Variants in CSMD1 observed in about 807,000 individuals in gnomAD.
CSMD1 encodes the protein CUB and Sushi multiple domains 1, also known as CUB and sushi domain-containing protein 1.
Under a neutral mutation model 417.5 loss-of-function variants are expected in CSMD1, and 213 were observed. The ratio of observed to expected loss-of-function variants is 0.51; its 90% CI spans 0.46 to 0.57. The LOEUF (loss-of-function observed/expected upper bound fraction) is 0.57, where lower values mean the gene tolerates loss of function less well. Ranked by LOEUF, CSMD1 falls within the 20% of genes least tolerant of loss-of-function variation. CSMD1 has a pLI of 0.00. For synonymous variants in CSMD1, 2,862 were observed against 1,736.8 expected (o/e 1.65, Z -16.11); for missense variants, 6,923 against 4,529.7 (o/e 1.53, Z -15.17).
Position 4,754,035 on chromosome 8 carries a change from A to C in CSMD1, c.86-116477T>G, listed in dbSNP as rs535435832. Among the ~76,000 whole-genome samples the C allele has an allele frequency of 2.0e-5, 3 of 152,340 alleles. No individual in the cohort carries two copies. The East Asian group carries it at 5.8e-4, about 29-fold the overall frequency. On this transcript the variant is annotated intron_variant, in intron 1 of 69. Coordinates refer to ENST00000635120, the MANE Select transcript of CSMD1 (RefSeq NM_033225.6). ...AAGATTCGCTTTGAAGGTTGTTAAC[A>C]TTGACATAACATAAAAGGAAAAATG...
intron 3 of CSMD1, among the ~76,000 whole-genome samples, chr8:4,232,186 CTTTA>C (rs747697941): frequency 3.3e-5 from 5 of 152,050 alleles, no homozygotes; most frequent in Admixed American, 6.6e-5. Context: ...AACACTTGTC[CTTTA>C]TTTATTTGTT....
At chr8:3,871,183 G>C (rs930969870) in intron 5 of CSMD1, among the ~76,000 whole-genome samples, 8 of 151,832 alleles carry the variant, frequency 5.3e-5, no homozygotes, top group Non-Finnish European at 1.0e-4. Context: ...TAATGCAAAT[G>C]TGCAAATATT....
At chr8:4,967,164 A>G (rs569002018) in intron 1 of CSMD1, among the ~76,000 whole-genome samples, 1 of 152,312 alleles carries the variant, frequency 6.6e-6, no homozygotes, top group South Asian at 2.1e-4. Flanking sequence ...TTCGGAAAAT[A>G]ATTTTAAACA....
chr8:3,661,878 T>C (rs945743436), intron 7 of CSMD1, among the ~76,000 whole-genome samples: 2 of 151,890 alleles, frequency 1.3e-5, no homozygotes, highest in Non-Finnish European at 2.9e-5. Context: ...GGACGACACA[T>C]AGGATTTGTA....
At chr8:3,610,142 T>G (rs1004960138) in intron 8 of CSMD1, among the ~76,000 whole-genome samples, 1 of 152,160 alleles carries the variant, frequency 6.6e-6, no homozygotes, top group Non-Finnish European at 1.5e-5. Context: ...TCATTTCATC[T>G]AAGTGTCATA....
chr8:3,548,659 T>TACACATACAC (rs1554465269), intron 10 of CSMD1, among the ~76,000 whole-genome samples: 2 of 133,002 alleles, frequency 1.5e-5, no homozygotes, highest in African/African-American at 2.9e-5. Context: ...TATTCCATCA[T>TACACATACAC]ACACACACAC....
chr8:4,067,212 C>CT (rs1799298677), intron 3 of CSMD1, among the ~76,000 whole-genome samples: 1 of 152,182 alleles, frequency 6.6e-6, no homozygotes, highest in African/African-American at 2.4e-5. Flanking sequence ...ATTTTATCAT[C>CT]TTTTTTCTAC....
intron 3 of CSMD1, among the ~76,000 whole-genome samples, chr8:4,309,784 G>C (rs983807214): frequency 6.6e-6 from 1 of 152,124 alleles, no homozygotes; most frequent in Non-Finnish European, 1.5e-5. Flanking sequence ...ATGAAGCATA[G>C]AAACCTCACC....
At chr8:3,665,242 C>G (rs1798624916) in intron 7 of CSMD1, among the ~76,000 whole-genome samples, 3 of 152,248 alleles carry the variant, frequency 2.0e-5, no homozygotes, top group South Asian at 4.1e-4. Flanking sequence ...ATTTGTCAGC[C>G]AGGCACAGTG....
intron 3 of CSMD1, among the ~76,000 whole-genome samples, chr8:4,150,336 C>G (rs117996245): frequency 0.036 from 5,463 of 152,296 alleles, 143 homozygotes; most frequent in Non-Finnish European, 0.055. Flanking sequence ...AATTCTCTAA[C>G]CCGTGCCATT....
At chr8:3,004,682 T>G (rs559090682) in intron 52 of CSMD1, among the ~76,000 whole-genome samples, 4 of 152,350 alleles carry the variant, frequency 2.6e-5, no homozygotes, top group African/African-American at 9.6e-5. Context: ...ATTTTACATT[T>G]TAATTCTTCA....
In CSMD1 at chr8:3,775,573, C is replaced by T. The variant is rs113261267; in HGVS notation, c.819-21531G>A. ...CAAGAGCGCAACTTCAAATGATCTC[C>T]AGTGTGGACTCATGTGCTCTTGTCA... On this transcript the variant is annotated intron_variant, in intron 5 of 69. Coordinates refer to ENST00000635120, the MANE Select transcript of CSMD1 (RefSeq NM_033225.6). 8.0e-3 allele frequency among the ~76,000 whole-genome samples: 1,221 copies of T among 152,260 alleles called. 18 individuals are homozygous for T. The highest frequency in any genetic ancestry group is 0.028 in the African/African-American group (1,165 of 41,546).
chr8:4,187,004 A>G (rs1372449904), intron 3 of CSMD1, among the ~76,000 whole-genome samples: 1 of 152,118 alleles, frequency 6.6e-6, no homozygotes, highest in Non-Finnish European at 1.5e-5. Flanking sequence ...ATAAAAATAA[A>G]ATAACAAGTG....
At chr8:3,785,366 T>G (rs1049481585) in intron 5 of CSMD1, among the ~76,000 whole-genome samples, 7 of 152,128 alleles carry the variant, frequency 4.6e-5, no homozygotes, top group Admixed American at 4.6e-4. Flanking sequence ...AACCATTTCT[T>G]TTTTCATTCC....
intron 5 of CSMD1, among the ~76,000 whole-genome samples, chr8:3,810,628 G>T (rs1336963742): frequency 1.3e-5 from 2 of 152,088 alleles, no homozygotes; most frequent in Admixed American, 6.5e-5. Flanking sequence ...CATTATTGGG[G>T]GACTGGAGTC....
intron 20 of CSMD1, 137 bp downstream of exon 20, chr8:3,366,895 G>T: frequency 1.4e-6 from 1 of 728,844 alleles, no homozygotes; most frequent in East Asian, 2.7e-5. Flanking sequence ...CACCCCATTA[G>T]TTGGAATCAA....
chr8:3,382,580 A>T (rs1043064094), intron 18 of CSMD1, among the ~76,000 whole-genome samples: 1 of 99,296 alleles, frequency 1.0e-5, no homozygotes, highest in African/African-American at 3.6e-5. Context: ...TATCTATAAT[A>T]GATATATAAA....
chr8:4,979,664 G>T (rs1229014690), intron 1 of CSMD1, among the ~76,000 whole-genome samples: 1 of 152,142 alleles, frequency 6.6e-6, no homozygotes, highest in Non-Finnish European at 1.5e-5. Flanking sequence ...ATGTTGGTGT[G>T]GTGAAAATGT....
At chr8:3,505,474 T>C (rs1796785858) in intron 10 of CSMD1, among the ~76,000 whole-genome samples, 1 of 151,894 alleles carries the variant, frequency 6.6e-6, no homozygotes, top group Non-Finnish European at 1.5e-5. Flanking sequence ...GATTAAAGAG[T>C]TGAGAAGGAA....
Sources: allele counts gnomAD v4.1 joint callset (sites outside exome capture counted in the v4.1 genomes callset), GRCh38; gene constraint gnomAD v4.1.1; transcripts MANE v1.5; gene names NCBI Gene and HGNC (gene_info 2026-07-23, HGNC 2026-07-21).